Variants in DBN1 observed in about 807,000 individuals in gnomAD.
DBN1 encodes the protein drebrin.
A neutral mutation model predicts 83.5 loss-of-function variants in DBN1; 21 were observed. That is an observed-to-expected ratio of 0.25 (90% CI 0.18 to 0.36). The LOEUF is 0.36. Ranked by LOEUF, DBN1 falls within the 10% of genes least tolerant of loss-of-function variation. The probability of loss-of-function intolerance (pLI) is 1.00; values close to 1 mark genes in which losing one functional copy is unlikely to be tolerated. For synonymous variants in DBN1, 381 were observed against 384.9 expected, an observed-to-expected ratio of 0.99 and a Z score of 0.12; for missense variants, 874 against 935.7, an observed-to-expected ratio of 0.93 and a Z score of 0.86.
Position 177,457,269 on chromosome 5 carries a change from G to T in DBN1, c.*164C>A. 1.5e-6 allele frequency: 1 copy of T among 661,660 alleles called. No individual in the cohort carries two copies. The highest frequency in any genetic ancestry group is 2.7e-6 in the Non-Finnish European group (1 of 368,514). 41.0% of individuals were successfully genotyped at this position (661,660 alleles called of 1,614,324 possible). On this transcript the variant is annotated 3_prime_UTR_variant, in exon 15 of 15. Coordinates refer to ENST00000393565, the MANE Select transcript of DBN1 (RefSeq NM_001363541.2). ...TTAAAAAAAGAGAAAAGCTGTAAAA[G>T]TCAGGCCCTGTGGGTAGGGAAGCGG...
intron 11 of DBN1, 138 bp downstream of exon 11, chr5:177,459,465 G>A: frequency 7.4e-7 from 1 of 1,343,312 alleles, no homozygotes; most frequent in African/African-American, 1.5e-5. Context: ...CATAAGGCCA[G>A]GGGCAAGAGG....
In DBN1 at chr5:177,467,938, G is replaced by A. The variant is rs879922523; in HGVS notation, c.256-121C>T. On this transcript the variant is annotated intron_variant, in intron 3 of 14. Transcript: ENST00000393565. The surrounding 1 kb of genome is among the most constrained non-coding windows in gnomAD (Gnocchi z 9.1). ...CCCTCTCCACGGGTGTCAGAGGGCC[G>A]ACGGGGAGGGCGACTGCTCTGGGCC... 1.4e-5 allele frequency: 20 copies of A among 1,388,724 alleles called. No individual in the cohort carries two copies. The highest frequency in any genetic ancestry group is 1.2e-4 in the East Asian group (5 of 43,242). 86.0% of individuals were successfully genotyped at this position (1,388,724 alleles called of 1,614,324 possible). A position where few individuals can be genotyped will look rare whatever the true frequency, so the allele number is the denominator to read the frequency against.
At chr5:177,471,296 G>A (rs779999114) in intron 1 of DBN1, among the ~76,000 whole-genome samples, 1 of 152,082 alleles carries the variant, frequency 6.6e-6, no homozygotes. Flanking sequence ...CTTTCCAAGA[G>A]GACCAGGAAC....
Position 177,457,256 on chromosome 5 carries a change from A to G in DBN1, c.*177T>C, listed in dbSNP as rs1756569599. 3 of 624,212 alleles carry G rather than the reference A, an allele frequency of 4.8e-6. No homozygotes were observed. The highest frequency in any genetic ancestry group is 3.8e-5 in the South Asian group (2 of 53,192). 38.7% of individuals were successfully genotyped at this position (624,212 alleles called of 1,614,324 possible). On this transcript the variant is annotated 3_prime_UTR_variant, in exon 15 of 15. Transcript: ENST00000393565. ...TCCTATCAACTTTTTAAAAAAAGAGAAAAGCTGTAAAAGTCAGGCCCTGTG... is the reference window on the plus strand; with the variant it reads ...TCCTATCAACTTTTTAAAAAAAGAGGAAAGCTGTAAAAGTCAGGCCCTGTG...
chr5:177,465,128 G>A (rs772378270), intron 8 of DBN1, among the ~76,000 whole-genome samples: 3 of 152,180 alleles, frequency 2.0e-5, no homozygotes, highest in Non-Finnish European at 4.4e-5. Context: ...ACTCCGGCCT[G>A]GGCGACAGAG....
At chr5:177,459,509 G>A (rs1756845155) in intron 11 of DBN1, 94 bp downstream of exon 11, 30 of 1,379,592 alleles carry the variant, frequency 2.2e-5, no homozygotes, top group Non-Finnish European at 2.9e-5. Context: ...AAACACCAGA[G>A]ATCAGCGGTC....
chr5:177,468,736 G>A (rs965266523), intron 2 of DBN1, 108 bp downstream of exon 2: 14 of 646,918 alleles, frequency 2.2e-5, no homozygotes, highest in Non-Finnish European at 3.1e-5. Flanking sequence ...ACAAGTGTGG[G>A]GCTGCAGGGT....
At chr5:177,472,189 C>G (rs373568998) in intron 1 of DBN1, 195 of 1,613,666 alleles carry the variant, frequency 1.2e-4, no homozygotes, top group Non-Finnish European at 1.6e-4. Context: ...GCTGCAGTAC[C>G]ATGCCATGGA....
chr5:177,457,581 TGGTGG>T, intron 14 of DBN1, 69 bp downstream of exon 14: 1 of 1,523,434 alleles, frequency 6.6e-7, no homozygotes, highest in African/African-American at 1.4e-5. Context: ...CGGTGGGTAG[TGGTGG>T]GGTGGCTACC....
chr5:177,472,043 C>A (rs1263017607), intron 1 of DBN1: 3 of 1,500,954 alleles, frequency 2.0e-6, no homozygotes, highest in Non-Finnish European at 2.7e-6. Context: ...ATGATCTCAG[C>A]CCCCCTGGGG....
chr5:177,472,306 C>G, intron 1 of DBN1: 10 of 1,553,298 alleles, frequency 6.4e-6, no homozygotes, highest in Non-Finnish European at 8.7e-6. Context: ...TCCCTCAGAC[C>G]TGCCCTCCTC....
At chr5:177,468,317 G>A in intron 2 of DBN1, 97 bp from the exon 3 acceptor site, 1 of 1,060,022 alleles carries the variant, frequency 9.4e-7, no homozygotes, top group Non-Finnish European at 1.4e-6. Context: ...GGCCTCCACA[G>A]GCACCCCCAG....
chr5:177,473,575 G>A lies in DBN1; in HGVS notation c.-54C>T. The A allele has an allele frequency of 1.7e-6, 2 of 1,209,016 alleles. No individual in the cohort carries two copies. The highest frequency in any genetic ancestry group is 2.2e-5 in the South Asian group (1 of 46,032). 74.9% of individuals were successfully genotyped at this position (1,209,016 alleles called of 1,614,324 possible). On this transcript the variant is annotated 5_prime_UTR_variant, in exon 1 of 15. Transcript: ENST00000393565. The stretch of plus-strand genomic sequence containing the variant: ...AGACGCGCGGACGGACGGGCGGACG[G>A]AGGAGGAGGGAGGGAAAGAGGGAGT...
chr5:177,457,421 C>T lies in DBN1; in HGVS notation c.*12G>A. ...CGGCCTTGGCAAGGGTAGCCTAGGG[C>T]TGGCGCCACCGCTAATCACCACCCT... On this transcript the variant is annotated 3_prime_UTR_variant, in exon 15 of 15. Transcript: ENST00000393565. The T allele has an allele frequency of 6.2e-7, 1 of 1,613,184 alleles. No homozygotes were observed. Among genetic ancestry groups the T allele is most frequent in the Non-Finnish European group, 8.5e-7 (1 of 1,179,216 alleles).
At chr5:177,468,378 G>A (rs1757617593) in intron 2 of DBN1, among the ~76,000 whole-genome samples, 158 bp from the exon 3 acceptor site, 1 of 152,214 alleles carries the variant, frequency 6.6e-6, no homozygotes, top group Admixed American at 6.5e-5. Flanking sequence ...GTTGGTATGT[G>A]TGGGGGTGGT....
chr5:177,466,863 C>G lies in DBN1; in HGVS notation c.708-28G>C, dbSNP rs369744646. On this transcript the variant is annotated intron_variant, in intron 7 of 14. Coordinates refer to ENST00000393565, the MANE Select transcript of DBN1 (RefSeq NM_001363541.2). The surrounding 1 kb of genome is among the most constrained non-coding windows in gnomAD (Gnocchi z 4.8). The stretch of plus-strand genomic sequence containing the variant: ...GGAACGATAAGCAGCCAGCACCCGT[C>G]AGGGTGCGCCCGGGGGCCCCTGGAG... 1 of 1,613,936 alleles carries G rather than the reference C, an allele frequency of 6.2e-7. No homozygotes were observed. The highest frequency in any genetic ancestry group is 8.5e-7 in the Non-Finnish European group (1 of 1,179,912).
At chr5:177,459,465 G>C in intron 11 of DBN1, 138 bp downstream of exon 11, 2 of 1,343,312 alleles carry the variant, frequency 1.5e-6, no homozygotes, top group Admixed American at 3.0e-5. Flanking sequence ...CATAAGGCCA[G>C]GGGCAAGAGG....
rs774852138 is a variant in DBN1, at chr5:177,459,235, G to A, written c.1127C>T (p.Pro376Leu). The change falls in exon 12 of 15, where the codon CCC (proline) becomes CTC (leucine). Residue 376 changes from proline to leucine, a missense_variant. By Grantham distance (98) the Pro-to-Leu change is moderately conservative. Coordinates refer to ENST00000393565, the MANE Select transcript of DBN1 (RefSeq NM_001363541.2). ...CGGGCTCCGCGTGGGGATGGGAGTG[G>A]GCGCCATCCTCCGGTGGCTGTCCAG... ...SHLDSHRRMA[P>L]TPIPTRSPSD... 4 of 1,610,646 alleles carry A rather than the reference G, an allele frequency of 2.5e-6. No individual in the cohort carries two copies. The highest frequency in any genetic ancestry group is 3.3e-5 in the Admixed American group (2 of 59,800).
In DBN1 at chr5:177,457,370, T is replaced by G; in HGVS notation, c.*63A>C. 1 of 1,434,394 alleles carries G rather than the reference T, an allele frequency of 7.0e-7. No homozygotes were observed. The highest frequency in any genetic ancestry group is 9.8e-7 in the Non-Finnish European group (1 of 1,017,552). The allele number at this position is 1,434,394 out of a possible 1,614,324, so 88.9% of individuals were successfully genotyped here. ...CTGCGAATGCAGGCACGGCGGGCCG[T>G]CTGGCCAGAGGCTGATGCAGGTGGG... On this transcript the variant is annotated 3_prime_UTR_variant, in exon 15 of 15. Coordinates refer to ENST00000393565, the MANE Select transcript of DBN1 (RefSeq NM_001363541.2).
Sources: allele counts gnomAD v4.1 joint callset (sites outside exome capture counted in the v4.1 genomes callset), GRCh38; gene constraint gnomAD v4.1.1; non-coding constraint Gnocchi (gnomAD v3.1); transcripts MANE v1.5; gene names NCBI Gene and HGNC (gene_info 2026-07-23, HGNC 2026-07-21).